Variants in PRKG1 observed in about 807,000 individuals in gnomAD.
PRKG1 encodes the protein cGMP-dependent protein kinase 1.
In PRKG1, 35 loss-of-function variants were observed where a neutral mutation model predicts 88.1. The observed-to-expected ratio is 0.40, with a 90% confidence interval of 0.30 to 0.53. The LOEUF (loss-of-function observed/expected upper bound fraction) is 0.53, where lower values mean the gene tolerates loss of function less well. PRKG1 is among the 20% of genes least tolerant of loss of function. The probability of loss-of-function intolerance (pLI) is 0.59; values close to 1 mark genes in which losing one functional copy is unlikely to be tolerated. For synonymous variants in PRKG1, 303 were observed against 292.5 expected, an observed-to-expected ratio of 1.04 and a Z score of -0.37; for missense variants, 540 against 839.8, an observed-to-expected ratio of 0.64 and a Z score of 4.41.
At chr10:51,958,075 T>C (rs922168233) in intron 5 of PRKG1, among the ~76,000 whole-genome samples, 1 of 152,180 alleles carries the variant, frequency 6.6e-6, no homozygotes, top group African/African-American at 2.4e-5. Context: ...AAAATAGAAG[T>C]ATTTTTTCAA....
chr10:52,279,654 GA>G (rs931574945), intron 12 of PRKG1, among the ~76,000 whole-genome samples: 53 of 148,788 alleles, frequency 3.6e-4, no homozygotes, highest in African/African-American at 1.1e-3. Flanking sequence ...CCACAATTTT[GA>G]AAAAAAAATA....
At chr10:51,947,535 G>C (rs530605308) in intron 5 of PRKG1, among the ~76,000 whole-genome samples, 1 of 152,294 alleles carries the variant, frequency 6.6e-6, no homozygotes, top group African/African-American at 2.4e-5. Context: ...TGGAAATGCA[G>C]AAATCACCCG....
At chr10:51,881,421 G>C (rs1841435379) in intron 4 of PRKG1, among the ~76,000 whole-genome samples, 1 of 152,272 alleles carries the variant, frequency 6.6e-6, no homozygotes, top group East Asian at 1.9e-4. Context: ...CTCAGCTGGG[G>C]TTCTACTTAT....
intron 1 of PRKG1, among the ~76,000 whole-genome samples, chr10:51,047,581 A>G (rs2132765024): frequency 6.6e-6 from 1 of 150,900 alleles, no homozygotes; most frequent in Non-Finnish European, 1.5e-5. Flanking sequence ...TTTAAAGGTG[A>G]CAGACTTAAC....
intron 4 of PRKG1, among the ~76,000 whole-genome samples, chr10:51,898,276 G>T (rs1356511036): frequency 3.3e-5 from 5 of 151,834 alleles, no homozygotes; most frequent in African/African-American, 7.3e-5. Context: ...CTGCTACCCT[G>T]TTCATCTTTA....
At chr10:52,053,590 C>T (rs985253900) in intron 5 of PRKG1, among the ~76,000 whole-genome samples, 6 of 152,108 alleles carry the variant, frequency 3.9e-5, no homozygotes, top group East Asian at 3.9e-4. Context: ...TCTGTTAGAC[C>T]GCTTGACCCA....
At chr10:52,118,183 T>A (rs908369593) in intron 7 of PRKG1, among the ~76,000 whole-genome samples, 1 of 152,062 alleles carries the variant, frequency 6.6e-6, no homozygotes, top group African/African-American at 2.4e-5. Context: ...CTTTTGCATT[T>A]CTCTTACTGT....
rs1842055550 is a variant in PRKG1, at chr10:52,283,881, TTAAC to T, written c.1709+1568_1709+1571del. Reference sequence around the variant, plus strand: ...ATAATAAATAGAAGAAAACTAAATATTAACTATTTTTGAGGAAGTAAAATATTCA... The same window carrying T: ...ATAATAAATAGAAGAAAACTAAATATTATTTTTGAGGAAGTAAAATATTCA... On this transcript the variant is annotated intron_variant, in intron 14 of 17. Transcript: ENST00000373980. Among the ~76,000 whole-genome samples the T allele has an allele frequency of 2.0e-5, 3 of 152,138 alleles. No homozygotes were observed. The South Asian group carries it at 6.2e-4, about 32-fold the overall frequency.
At chr10:52,146,548 G>A (rs1410881262) in intron 8 of PRKG1, among the ~76,000 whole-genome samples, 1 of 152,062 alleles carries the variant, frequency 6.6e-6, no homozygotes, top group African/African-American at 2.4e-5. Context: ...CTGTCAGGTT[G>A]CAAAACACAC....
chr10:52,288,695 A>G (rs1466698369), intron 14 of PRKG1, 31 bp from the exon 15 acceptor site: 2 of 1,547,060 alleles, frequency 1.3e-6, no homozygotes, highest in Non-Finnish European at 1.7e-6. Context: ...AATAAAAGTA[A>G]TATCTCTTGT....
rs140894785 is a variant in PRKG1 at position 51,541,222 on chromosome 10, C to G, written c.592+73386C>G. 2.2e-3 allele frequency among the ~76,000 whole-genome samples: 340 copies of G among 152,256 alleles called. 1 individual carries two copies. Among genetic ancestry groups the G allele is most frequent in the Non-Finnish European group, 4.0e-3 (271 of 68,018 alleles). On this transcript the variant is annotated intron_variant, in intron 3 of 17. Transcript: ENST00000373980. ...ACATGCTACCTAGATCCCTCACATGCACAGTTCACAACAGGGTTCGCGCTC... is the reference window on the plus strand; with the variant it reads ...ACATGCTACCTAGATCCCTCACATGGACAGTTCACAACAGGGTTCGCGCTC...
At chr10:51,293,538 C>T (rs1448326524) in intron 2 of PRKG1, among the ~76,000 whole-genome samples, 2 of 152,070 alleles carry the variant, frequency 1.3e-5, no homozygotes, top group African/African-American at 2.4e-5. Context: ...TCTTTGTTGT[C>T]ACAAATGACT....
At chr10:51,727,298 A>T (rs59680526) in intron 3 of PRKG1, among the ~76,000 whole-genome samples, 6 of 147,246 alleles carry the variant, frequency 4.1e-5, no homozygotes, top group Middle Eastern at 6.9e-3. Context: ...ATATATATAT[A>T]TATTTTTTTT....
intron 2 of PRKG1, among the ~76,000 whole-genome samples, chr10:51,203,717 G>A (rs1837971948): frequency 6.6e-6 from 1 of 152,126 alleles, no homozygotes; most frequent in Non-Finnish European, 1.5e-5. Flanking sequence ...AATCTGTAAG[G>A]CAATATTTTC....
chr10:51,444,433 T>C (rs1839211969), intron 2 of PRKG1, among the ~76,000 whole-genome samples: 1 of 151,866 alleles, frequency 6.6e-6, no homozygotes, highest in Non-Finnish European at 1.5e-5. Flanking sequence ...ATCTTCTAGA[T>C]GAAATTCCAT....
intron 1 of PRKG1, among the ~76,000 whole-genome samples, chr10:51,056,446 A>G (rs1047471653): frequency 6.6e-6 from 1 of 152,200 alleles, no homozygotes; most frequent in Non-Finnish European, 1.5e-5. Flanking sequence ...GTTTATTATA[A>G]GAACAATTCA....
Position 51,479,310 on chromosome 10 carries a change from C to A in PRKG1, c.592+11474C>A, listed in dbSNP as rs143881066. Among the ~76,000 whole-genome samples the A allele has an allele frequency of 2.0e-5, 3 of 151,942 alleles. No homozygotes were observed. In the East Asian group the frequency reaches 5.8e-4, roughly 29 times the overall value. ...AAAGATTTTAAAAATCACTTATAAC[C>A]CCACTCCCATAAAAGAATACTTTGA... On this transcript the variant is annotated intron_variant, in intron 3 of 17. Transcript: ENST00000373980.
At chr10:52,116,328 T>C (rs1847686430) in intron 7 of PRKG1, among the ~76,000 whole-genome samples, 1 of 152,180 alleles carries the variant, frequency 6.6e-6, no homozygotes, top group Admixed American at 6.5e-5. Flanking sequence ...TCATTATTTA[T>C]CTGAAATTCA....
chr10:51,249,077 A>G (rs570777674), intron 2 of PRKG1, among the ~76,000 whole-genome samples: 1 of 151,988 alleles, frequency 6.6e-6, no homozygotes, highest in Non-Finnish European at 1.5e-5. Context: ...AATTTTTAAA[A>G]ACATGATAAA....
Sources: gnomAD v4.1 joint callset for allele counts (sites outside exome capture counted in the v4.1 genomes callset) on GRCh38, gnomAD v4.1.1 for gene constraint, MANE v1.5 for transcripts, NCBI Gene and HGNC (gene_info 2026-07-23, HGNC 2026-07-21) for gene names.